PCDHGB2: variants seen among roughly 807,000 people sequenced by gnomAD.
PCDHGB2 encodes protocadherin gamma-B2.
PCDHGB2 carries 55 observed loss-of-function variants against 59.3 expected under a neutral mutation model. The observed-to-expected ratio is 0.93, with a 90% confidence interval of 0.75 to 1.16. PCDHGB2 has a LOEUF of 1.16. PCDHGB2 is among the 50% of genes most tolerant of loss of function. The pLI, the probability that PCDHGB2 is intolerant of heterozygous loss-of-function variation, is 0.00. For synonymous variants in PCDHGB2, 516 were observed against 512.0 expected (o/e 1.01, Z -0.11); for missense variants, 1,228 against 1,198.5 (o/e 1.02, Z -0.36).
intron 1 of PCDHGB2, chr5:141,372,005 G>C (rs1768294094): frequency 1.2e-6 from 2 of 1,613,304 alleles, no homozygotes; most frequent in East Asian, 2.2e-5. Flanking sequence ...CCCGCGACCA[G>C]GGCTCGCCTA....
chr5:141,433,140 C>T (rs1394486228), intron 1 of PCDHGB2: 4 of 1,613,948 alleles, frequency 2.5e-6, no homozygotes, highest in African/African-American at 1.3e-5. Flanking sequence ...CTTTTGCTGT[C>T]AGGTGATTCG....
At chr5:141,364,706 A>G (rs1373538409) in intron 1 of PCDHGB2, 3 of 1,613,862 alleles carry the variant, frequency 1.9e-6, no homozygotes, top group Non-Finnish European at 2.5e-6. Context: ...AATAATCGAT[A>G]TTAATGATAA....
intron 1 of PCDHGB2, chr5:141,421,632 G>A (rs2096589368): frequency 6.2e-7 from 1 of 1,613,846 alleles, no homozygotes; most frequent in South Asian, 1.1e-5. Context: ...CCAGCTTCCA[G>A]GAGGACGAAG....
chr5:141,418,360 G>T (rs544948410), intron 1 of PCDHGB2: 4 of 1,613,990 alleles, frequency 2.5e-6, no homozygotes, highest in Non-Finnish European at 3.4e-6. Flanking sequence ...TGAATTCGCT[G>T]AGCAAATACC....
intron 1 of PCDHGB2, among the ~76,000 whole-genome samples, chr5:141,429,326 T>A (rs571458414): frequency 6.6e-6 from 1 of 152,230 alleles, no homozygotes; most frequent in East Asian, 1.9e-4. Context: ...TTTTCTTTAA[T>A]CCATTAACTA....
At chr5:141,465,162 G>A (rs1464525964) in intron 1 of PCDHGB2, among the ~76,000 whole-genome samples, 1 of 151,654 alleles carries the variant, frequency 6.6e-6, no homozygotes, top group Non-Finnish European at 1.5e-5. Context: ...GACTCTAAAT[G>A]TTTATGAAGA....
chr5:141,364,094 A>C (rs4151697), intron 1 of PCDHGB2: 1 of 397,748 alleles, frequency 2.5e-6, no homozygotes, highest in Non-Finnish European at 4.4e-6. Flanking sequence ...ATGGAATTTG[A>C]TGCAGTCACT....
In PCDHGB2 at chr5:141,485,049, G is replaced by C. The variant is rs1271101804; in HGVS notation, c.2422-9758G>C. On this transcript the variant is annotated intron_variant, in intron 1 of 3. Coordinates refer to ENST00000522605, the MANE Select transcript of PCDHGB2 (RefSeq NM_018923.3). The surrounding 1 kb of genome is among the most constrained non-coding windows in gnomAD (Gnocchi z 5.7). ...AACGGCGCGTAACCCTTGCGGCGCC[G>C]GCCGAACCGCGCCAGAGCTGGCGCG... 1 of 780,438 alleles carries C rather than the reference G, an allele frequency of 1.3e-6. No homozygotes were observed. The highest frequency in any genetic ancestry group is 2.1e-6 in the Non-Finnish European group (1 of 469,234). The allele number at this position is 780,438 out of a possible 1,614,324, so 48.3% of individuals were successfully genotyped here. A position where few individuals can be genotyped will look rare whatever the true frequency, so the allele number is the denominator to read the frequency against.
chr5:141,393,387 C>T lies in PCDHGB2; in HGVS notation c.2421+30831C>T, dbSNP rs772072669. The stretch of plus-strand genomic sequence containing the variant: ...GACTGGAGACAATGGAGCCATAAAC[C>T]CAGAGCTGGTGCTGGAGCGCGCCCT... On this transcript the variant is annotated intron_variant, in intron 1 of 3. Coordinates refer to ENST00000522605, the MANE Select transcript of PCDHGB2 (RefSeq NM_018923.3). The T allele has an allele frequency of 3.7e-6, 6 of 1,613,972 alleles. No homozygotes were observed. The East Asian group carries it at 1.3e-4, about 36-fold the overall frequency.
chr5:141,485,680 C>T lies in PCDHGB2; in HGVS notation c.2422-9127C>T. The T allele has an allele frequency of 6.2e-7, 1 of 1,613,966 alleles. No individual in the cohort carries two copies. Among genetic ancestry groups the T allele is most frequent in the South Asian group, 1.1e-5 (1 of 91,066 alleles). The stretch of plus-strand genomic sequence containing the variant: ...ATGTGGGGAGCAATTCGATTAGCAG[C>T]TATAGGCTGAGCTCCAATGAACACT... On this transcript the variant is annotated intron_variant, in intron 1 of 3. Coordinates refer to ENST00000522605, the MANE Select transcript of PCDHGB2 (RefSeq NM_018923.3). The surrounding 1 kb of genome is among the most constrained non-coding windows in gnomAD (Gnocchi z 5.7).
intron 1 of PCDHGB2, chr5:141,427,201 A>G (rs1272966114): frequency 4.4e-6 from 2 of 456,618 alleles, no homozygotes; most frequent in African/African-American, 4.0e-5. Flanking sequence ...GACTTAATAG[A>G]CTTCGAATTT....
intron 1 of PCDHGB2, among the ~76,000 whole-genome samples, chr5:141,363,275 A>G (rs987748998): frequency 6.6e-6 from 1 of 152,224 alleles, no homozygotes; most frequent in African/African-American, 2.4e-5. Flanking sequence ...TTGCTTTTGA[A>G]TTTCCTAATT....
intron 1 of PCDHGB2, chr5:141,404,976 T>G (rs373850794): frequency 4.3e-6 from 7 of 1,614,002 alleles, no homozygotes; most frequent in Non-Finnish European, 5.9e-6. Context: ...CTGGCTGACC[T>G]GGGCAGTCTT....
Position 141,486,998 on chromosome 5 carries a change from C to T in PCDHGB2, c.2422-7809C>T. 1.2e-6 allele frequency: 2 copies of T among 1,614,206 alleles called. No individual in the cohort carries two copies. Among genetic ancestry groups the T allele is most frequent in the Non-Finnish European group, 1.7e-6 (2 of 1,180,034 alleles). On this transcript the variant is annotated intron_variant, in intron 1 of 3. Transcript: ENST00000522605. The surrounding 1 kb of genome is among the most constrained non-coding windows in gnomAD (Gnocchi z 5.0). The stretch of plus-strand genomic sequence containing the variant: ...AGGTTACAATGCTTGGGTTTCCTAT[C>T]AGCTCCTGGAGGCCCCAGATCCCAG...
At chr5:141,412,057 T>C (rs1426056647) in intron 1 of PCDHGB2, 1 of 152,202 alleles carries the variant, frequency 6.6e-6, no homozygotes, top group Non-Finnish European at 1.5e-5. Flanking sequence ...TCTATACCCT[T>C]TGCATTTGAG....
intron 1 of PCDHGB2, chr5:141,420,386 A>G (rs1407565643): frequency 6.2e-6 from 8 of 1,284,798 alleles, no homozygotes; most frequent in Non-Finnish European, 7.2e-6. Context: ...AGTTCGCAAA[A>G]TATAGGTCAA....
Position 141,489,331 on chromosome 5 carries a change from C to G in PCDHGB2, c.2422-5476C>G. ...CTGCTGGGGCTGGGTGTCTGGGCAG[C>G]TTCGTTACTCAGTGGTGGAGGAGTC... On this transcript the variant is annotated intron_variant, in intron 1 of 3. Coordinates refer to ENST00000522605, the MANE Select transcript of PCDHGB2 (RefSeq NM_018923.3). The surrounding 1 kb of genome is among the most constrained non-coding windows in gnomAD (Gnocchi z 4.5). 1 of 1,605,478 alleles carries G rather than the reference C, an allele frequency of 6.2e-7. No homozygotes were observed. Among genetic ancestry groups the G allele is most frequent in the Non-Finnish European group, 8.5e-7 (1 of 1,174,878 alleles).
chr5:141,436,813 G>A (rs537103294), intron 1 of PCDHGB2, among the ~76,000 whole-genome samples: 91 of 152,320 alleles, frequency 6.0e-4, no homozygotes, highest in Non-Finnish European at 1.1e-3. Flanking sequence ...TGTGACAGCT[G>A]GTTTAAAAAT....
chr5:141,404,240 C>T, intron 1 of PCDHGB2: 1 of 1,613,660 alleles, frequency 6.2e-7, no homozygotes, highest in East Asian at 2.2e-5. Context: ...CAGAGGAACT[C>T]CGCCCCTGTC....
Sources: gnomAD v4.1 joint callset for allele counts (sites outside exome capture counted in the v4.1 genomes callset) on GRCh38, gnomAD v4.1.1 for gene constraint, Gnocchi (gnomAD v3.1) non-coding constraint, MANE v1.5 for transcripts, NCBI Gene and HGNC (gene_info 2026-07-23, HGNC 2026-07-21) for gene names.